Variants in PCSK6 observed in about 807,000 individuals in gnomAD.
PCSK6 encodes the protein proprotein convertase subtilisin/kexin type 6, also known as paired basic amino acid cleaving enzyme 4.
In PCSK6, 85 loss-of-function variants were observed where a neutral mutation model predicts 123.3. The observed-to-expected ratio is 0.69, with a 90% CI of 0.58 to 0.83. The LOEUF (loss-of-function observed/expected upper bound fraction) is 0.83. Ranked by LOEUF, PCSK6 falls within the 40% of genes least tolerant of loss-of-function variation. The pLI is 0.00. For missense variants in PCSK6, 1,191 were observed against 1,282.3 expected (o/e 0.93, Z 1.09); for synonymous variants, 508 against 516.0 (o/e 0.98, Z 0.21).
At chr15:101,319,924 A>G (rs1436068293) in intron 18 of PCSK6, among the ~76,000 whole-genome samples, 1 of 152,106 alleles carries the variant, frequency 6.6e-6, no homozygotes, top group African/African-American at 2.4e-5. Context: ...ATCGAACCCA[A>G]GGAGGGGTCA....
chr15:101,382,212 G>C lies in PCSK6; in HGVS notation c.1415-3C>G. The C allele has an allele frequency of 1.9e-6, 3 of 1,601,238 alleles. No homozygotes were observed. Among genetic ancestry groups the C allele is most frequent in the Non-Finnish European group, 2.6e-6 (3 of 1,172,274 alleles). On this transcript the variant is annotated splice_polypyrimidine_tract_variant and splice_region_variant and intron_variant, in intron 10 of 21. Coordinates refer to ENST00000611716, the MANE Select transcript of PCSK6 (RefSeq NM_002570.5). Reference sequence around the variant, plus strand: ...ACCAAATCCATAGAAATGGCTAACTGAAAAGACAGGCCCTTCAGAGCCAGG... The same window carrying C: ...ACCAAATCCATAGAAATGGCTAACTCAAAAGACAGGCCCTTCAGAGCCAGG...
intron 13 of PCSK6, chr15:101,346,990 A>G (rs1345865639): frequency 8.1e-7 from 1 of 1,231,762 alleles, no homozygotes. Context: ...GGAGGTAAAG[A>G]GATTGACTGC....
At position 101,406,308 on chromosome 15, in the gene PCSK6, C is replaced by G. The variant is rs147739789; in HGVS notation, c.824-7732G>C. Among the ~76,000 whole-genome samples, 940 of 152,276 alleles carry G rather than the reference C, an allele frequency of 6.2e-3. 6 individuals are homozygous for G. The highest frequency in any genetic ancestry group is 0.026 in the South Asian group (126 of 4,826). ...CTGGAGGAAGGCAGGGAGCGGGACA[C>G]GCTGGGCCCACTTTTGTTTATTGAG... On this transcript the variant is annotated intron_variant, in intron 6 of 21. Transcript: ENST00000611716.
At chr15:101,437,517 A>G (rs758791436) in intron 2 of PCSK6, among the ~76,000 whole-genome samples, 1 of 152,116 alleles carries the variant, frequency 6.6e-6, no homozygotes, top group Non-Finnish European at 1.5e-5. Flanking sequence ...CTGCGAGCCC[A>G]GCTCCCTCCC....
chr15:101,432,745 C>T (rs529188978), intron 2 of PCSK6, among the ~76,000 whole-genome samples: 1 of 152,190 alleles, frequency 6.6e-6, no homozygotes, highest in Admixed American at 6.5e-5. Context: ...TCTGGTGATC[C>T]TTGTCCTGAA....
At chr15:101,339,772 G>C (rs111482836) in intron 13 of PCSK6, among the ~76,000 whole-genome samples, 6 of 151,940 alleles carry the variant, frequency 3.9e-5, no homozygotes, top group African/African-American at 1.4e-4. Context: ...TTAGCCAGGC[G>C]TGGTGGTGTG....
intron 1 of PCSK6, among the ~76,000 whole-genome samples, chr15:101,473,214 C>T (rs1022101946): frequency 1.3e-5 from 2 of 152,180 alleles, no homozygotes; most frequent in Middle Eastern, 3.4e-3. Flanking sequence ...GTAGCTGGGA[C>T]TATAGGCACA....
chr15:101,463,685 G>A (rs571740429), intron 1 of PCSK6, among the ~76,000 whole-genome samples: 1 of 152,276 alleles, frequency 6.6e-6, no homozygotes, highest in East Asian at 1.9e-4. Flanking sequence ...GTCTGTGTGT[G>A]TGAATAAGGA....
chr15:101,406,245 T>C (rs745441131), intron 6 of PCSK6, among the ~76,000 whole-genome samples: 3 of 152,020 alleles, frequency 2.0e-5, no homozygotes, highest in Non-Finnish European at 4.4e-5. Flanking sequence ...CACATGCACA[T>C]CAATACAAGT....
chr15:101,342,141 A>AG (rs1347341207), intron 13 of PCSK6, among the ~76,000 whole-genome samples: 1 of 150,674 alleles, frequency 6.6e-6, no homozygotes, highest in African/African-American at 2.4e-5. Flanking sequence ...AAAAAAAAAA[A>AG]AAAAAAAAAA....
intron 2 of PCSK6, among the ~76,000 whole-genome samples, chr15:101,433,834 G>T (rs2141125581): frequency 6.6e-6 from 1 of 152,370 alleles, no homozygotes; most frequent in East Asian, 1.9e-4. Flanking sequence ...ATTTAGGGCT[G>T]GGGATGGCCT....
In PCSK6 at chr15:101,305,440, C is replaced by T. The variant is rs2039701891; in HGVS notation, c.2813-85G>A. 1.8e-6 allele frequency: 2 copies of T among 1,123,712 alleles called. No homozygotes were observed. The highest frequency in any genetic ancestry group is 2.6e-6 in the Non-Finnish European group (2 of 770,018). 69.6% of individuals were successfully genotyped at this position (1,123,712 alleles called of 1,614,324 possible). A position where few individuals can be genotyped will look rare whatever the true frequency, so the allele number is the denominator to read the frequency against. On this transcript the variant is annotated intron_variant, in intron 21 of 21. Coordinates refer to ENST00000611716, the MANE Select transcript of PCSK6 (RefSeq NM_002570.5). This position sits in a 1 kb window ranked among gnomAD's most constrained non-coding sequence, Gnocchi z 4.8. Reference sequence around the variant, plus strand: ...GATTGTTTCAAGGCCGGGCGCGGTGCCTCATGCCTGTAATCCCAGCACTTT... The same window carrying T: ...GATTGTTTCAAGGCCGGGCGCGGTGTCTCATGCCTGTAATCCCAGCACTTT...
intron 11 of PCSK6, among the ~76,000 whole-genome samples, chr15:101,379,416 T>C (rs943415169): frequency 1.3e-5 from 2 of 152,196 alleles, no homozygotes; most frequent in African/African-American, 4.8e-5. Flanking sequence ...AACACAGCTG[T>C]CTGACCTTTG....
At chr15:101,395,588 T>C (rs1224532681) in intron 7 of PCSK6, among the ~76,000 whole-genome samples, 2 of 152,226 alleles carry the variant, frequency 1.3e-5, no homozygotes, top group Non-Finnish European at 2.9e-5. Context: ...TAACTGTCTC[T>C]GACGACTTTA....
At chr15:101,488,994 A>G (rs1175914227) in intron 1 of PCSK6, among the ~76,000 whole-genome samples, 1 of 149,708 alleles carries the variant, frequency 6.7e-6, no homozygotes, top group African/African-American at 2.4e-5. Context: ...CCAGCGGCGG[A>G]CGGCGCGCGA....
intron 1 of PCSK6, among the ~76,000 whole-genome samples, chr15:101,474,839 G>A (rs2057691255): frequency 6.6e-6 from 1 of 152,162 alleles, no homozygotes; most frequent in Non-Finnish European, 1.5e-5. Flanking sequence ...TGCCTACCCA[G>A]TCCCCGGGTA....
At chr15:101,454,047 G>A (rs994460044) in intron 1 of PCSK6, among the ~76,000 whole-genome samples, 10 of 152,246 alleles carry the variant, frequency 6.6e-5, no homozygotes, top group African/African-American at 2.4e-4. Flanking sequence ...TCCCCAGAAA[G>A]AAGGGTCAGT....
chr15:101,386,597 G>A (rs796860372), intron 9 of PCSK6, among the ~76,000 whole-genome samples: 24 of 152,252 alleles, frequency 1.6e-4, no homozygotes, highest in African/African-American at 5.5e-4. Context: ...TCGTGTAAGT[G>A]GAACCACACA....
chr15:101,403,781 G>A (rs1418712330), intron 6 of PCSK6, among the ~76,000 whole-genome samples: 7 of 152,168 alleles, frequency 4.6e-5, no homozygotes, highest in Middle Eastern at 6.8e-3. Flanking sequence ...GGACAGTGGC[G>A]CCATTTCGGC....
Sources: allele counts gnomAD v4.1 joint callset (sites outside exome capture counted in the v4.1 genomes callset), GRCh38; gene constraint gnomAD v4.1.1; non-coding constraint Gnocchi (gnomAD v3.1); transcripts MANE v1.5; gene names NCBI Gene and HGNC (gene_info 2026-07-23, HGNC 2026-07-21).